MCM8: variants seen among roughly 807,000 people sequenced by gnomAD.
MCM8 encodes the protein DNA helicase MCM8.
In MCM8, 85 loss-of-function variants were observed where a neutral mutation model predicts 98.9. The observed-to-expected ratio is 0.86, with a 90% CI of 0.72 to 1.03. MCM8 has a LOEUF of 1.03. Among genes scored for constraint, MCM8 ranks in the 50% least tolerant of loss-of-function variants. MCM8 has a pLI of 0.00. For synonymous variants in MCM8, 352 were observed against 338.6 expected (o/e 1.04, Z -0.44); for missense variants, 951 against 997.8 (o/e 0.95, Z 0.63).
intron 16 of MCM8, 149 bp from the exon 17 acceptor site, chr20:5,987,133 A>G: frequency 1.5e-6 from 1 of 686,046 alleles, no homozygotes; most frequent in Non-Finnish European, 2.4e-6. Context: ...AGCCCAGAGA[A>G]TTACTTCCAT....
intron 17 of MCM8, among the ~76,000 whole-genome samples, chr20:5,992,230 C>T (rs1568602019): frequency 6.6e-6 from 1 of 152,110 alleles, no homozygotes; most frequent in African/African-American, 2.4e-5. Flanking sequence ...ATGCCACTTA[C>T]TAGTTGTGTA....
intron 3 of MCM8, among the ~76,000 whole-genome samples, chr20:5,953,344 G>A (rs1167693126): frequency 1.3e-5 from 2 of 151,936 alleles, no homozygotes; most frequent in Non-Finnish European, 2.9e-5. Context: ...TGATAATTAG[G>A]AATACCAATT....
chr20:5,958,422 C>T (rs958657415), intron 6 of MCM8, 106 bp from the exon 7 acceptor site: 8 of 808,690 alleles, frequency 9.9e-6, no homozygotes, highest in African/African-American at 3.4e-5. Context: ...TCTGATATAT[C>T]GAAGGGATGA....
Position 5,996,122 on chromosome 20 carries a change from T to TA in MCM8, c.*1732dup, listed in dbSNP as rs1394121325. On this transcript the variant is annotated 3_prime_UTR_variant, in exon 19 of 19. Transcript: ENST00000610722. The stretch of plus-strand genomic sequence containing the variant: ...ATTGAGACCCTATCTCTACAAAAAA[T>TA]AGATTAGCTGGGCACGGTGGTGCAT... 1 of 151,936 alleles carries TA rather than the reference T, an allele frequency of 6.6e-6. No homozygotes were observed. Among genetic ancestry groups the TA allele is most frequent in the Non-Finnish European group, 1.5e-5 (1 of 68,020 alleles). 9.4% of individuals were successfully genotyped at this position (151,936 alleles called of 1,614,324 possible).
chr20:5,975,328 G>C (rs1001929528), intron 12 of MCM8, among the ~76,000 whole-genome samples: 1 of 151,598 alleles, frequency 6.6e-6, no homozygotes, highest in African/African-American at 2.4e-5. Flanking sequence ...GATCTGAATT[G>C]TTACAGCTTT....
chr20:5,975,497 CTTTTTTTTT>C (rs11476043), intron 12 of MCM8, among the ~76,000 whole-genome samples: 11 of 128,974 alleles, frequency 8.5e-5, no homozygotes, highest in Admixed American at 6.1e-4. Flanking sequence ...TTTTTTTGCT[CTTTTTTTTT>C]TTTTTTTTGA....
intron 10 of MCM8, among the ~76,000 whole-genome samples, chr20:5,968,597 C>G (rs1238351556): frequency 6.6e-6 from 1 of 152,068 alleles, no homozygotes; most frequent in Non-Finnish European, 1.5e-5. Context: ...TCTATTGGAA[C>G]ATAGCCACAC....
chr20:5,974,826 A>G (rs1034149695), intron 12 of MCM8, among the ~76,000 whole-genome samples: 1 of 152,210 alleles, frequency 6.6e-6, no homozygotes, highest in African/African-American at 2.4e-5. Flanking sequence ...TTATAATTCC[A>G]TAGATATTTC....
chr20:5,950,741 G>A lies in MCM8; in HGVS notation c.-288G>A, dbSNP rs1290043528. On this transcript the variant is annotated 5_prime_UTR_variant, in exon 1 of 19. Coordinates refer to ENST00000610722, the MANE Select transcript of MCM8 (RefSeq NM_032485.6). ...TTGAGGCATTTTTGCGGCGCTGTGC[G>A]CTACAGACACCTTCTGGAAGCTGCG... 2.3e-5 allele frequency: 5 copies of A among 219,764 alleles called. No homozygotes were observed. The highest frequency in any genetic ancestry group is 1.7e-4 in the Admixed American group (3 of 17,436). The allele number at this position is 219,764 out of a possible 1,614,324, so 13.6% of individuals were successfully genotyped here. A position where few individuals can be genotyped will look rare whatever the true frequency, so the allele number is the denominator to read the frequency against.
At chr20:5,982,017 G>A (rs1368684603) in intron 13 of MCM8, among the ~76,000 whole-genome samples, 1 of 152,046 alleles carries the variant, frequency 6.6e-6, no homozygotes, top group Admixed American at 6.6e-5. Flanking sequence ...AGAGAACAAA[G>A]GAAATTCAAC....
Position 5,968,006 on chromosome 20 carries a change from C to G in MCM8, c.1204C>G (p.Leu402Val). Residue 402 changes from leucine to valine, a missense_variant, in exon 10 of 19, where the codon CTG becomes GTG. Leu to Val is a conservative substitution (Grantham distance 32). Coordinates refer to ENST00000610722, the MANE Select transcript of MCM8 (RefSeq NM_032485.6). ...AIQEIQAEENLFKLIVNSLCP... is the reference protein window; with the variant it reads ...AIQEIQAEENVFKLIVNSLCP... The stretch of plus-strand genomic sequence containing the variant: ...CCAAGAGATTCAAGCTGAAGAAAAC[C>G]TGTTTAAACTCATTGTCAAGTATGT... 1 of 1,609,266 alleles carries G rather than the reference C, an allele frequency of 6.2e-7. No individual in the cohort carries two copies. Among genetic ancestry groups the G allele is most frequent in the Non-Finnish European group, 8.5e-7 (1 of 1,178,520 alleles).
chr20:5,991,652 A>G (rs957823530), intron 17 of MCM8, among the ~76,000 whole-genome samples: 11 of 152,228 alleles, frequency 7.2e-5, no homozygotes, highest in South Asian at 2.1e-4. Flanking sequence ...GTGAAACACA[A>G]TGAAATTAGA....
chr20:5,984,057 A>C lies in MCM8; in HGVS notation c.1734-724A>C, dbSNP rs2122800382. Among the ~76,000 whole-genome samples the C allele has an allele frequency of 1.3e-5, 2 of 152,324 alleles. 1 individual carries two copies. The highest frequency in any genetic ancestry group is 4.1e-4 in the South Asian group (2 of 4,830). On this transcript the variant is annotated intron_variant, in intron 14 of 18. Transcript: ENST00000610722. ...TATGTGGTATGATCCTGCTTTTTTC[A>C]AAAACAATGTTTATATCTGTATGTA...
Position 5,977,776 on chromosome 20 carries a change from A to G in MCM8, c.1396-100A>G, listed in dbSNP as rs541063138. 7 of 1,280,608 alleles carry G rather than the reference A, an allele frequency of 5.5e-6. No homozygotes were observed. In the Admixed American group the frequency reaches 1.4e-4, roughly 26 times the overall value. The allele number at this position is 1,280,608 out of a possible 1,614,324, so 79.3% of individuals were successfully genotyped here. On this transcript the variant is annotated intron_variant, in intron 12 of 18. Transcript: ENST00000610722. ...TGCACCTTGTACACTAAAGCTCTTAAAAGAATACCTAGCATATACCTAACG... is the reference window on the plus strand; with the variant it reads ...TGCACCTTGTACACTAAAGCTCTTAGAAGAATACCTAGCATATACCTAACG...
intron 12 of MCM8, among the ~76,000 whole-genome samples, chr20:5,973,812 GC>G (rs1208646692): frequency 6.6e-6 from 1 of 152,072 alleles, no homozygotes; most frequent in African/African-American, 2.4e-5. Context: ...GCACCACCAC[GC>G]CCAGCTAATT....
chr20:5,955,698 GTGCT>G (rs1351815266), intron 5 of MCM8, among the ~76,000 whole-genome samples: 1 of 152,140 alleles, frequency 6.6e-6, no homozygotes, highest in African/African-American at 2.4e-5. Flanking sequence ...AGTTTGTACT[GTGCT>G]TGCCTGAGTT....
intron 1 of MCM8, 29 bp downstream of exon 1, chr20:5,951,052 A>G (rs1265819457): frequency 6.6e-6 from 1 of 152,200 alleles, no homozygotes. Flanking sequence ...GGAGATGTAA[A>G]TAAAGTAGTA....
chr20:5,964,334 A>G (rs542154775), intron 8 of MCM8, among the ~76,000 whole-genome samples: 28 of 152,294 alleles, frequency 1.8e-4, no homozygotes, highest in African/African-American at 6.5e-4. Flanking sequence ...TCTGCTGCTA[A>G]CTGCTTCACC....
chr20:5,992,608 A>G (rs1406493535), intron 17 of MCM8, among the ~76,000 whole-genome samples: 9 of 152,192 alleles, frequency 5.9e-5, no homozygotes, highest in African/African-American at 1.9e-4. Context: ...TAATAGTTTT[A>G]TTTGAATGAC....
Sources: gnomAD v4.1 joint callset for allele counts (sites outside exome capture counted in the v4.1 genomes callset) on GRCh38, gnomAD v4.1.1 for gene constraint, MANE v1.5 for transcripts, NCBI Gene and HGNC (gene_info 2026-07-23, HGNC 2026-07-21) for gene names.